Variants in SCUBE2 observed in about 807,000 individuals in gnomAD.
SCUBE2 encodes the protein signal peptide, CUB domain and EGF like domain containing 2.
In SCUBE2, 114 loss-of-function variants were observed where a neutral mutation model predicts 125.9. That is an observed-to-expected ratio of 0.91 (90% CI 0.78 to 1.06). The LOEUF (loss-of-function observed/expected upper bound fraction) is 1.06, where lower values mean the gene tolerates loss of function less well. Ranked by LOEUF, SCUBE2 falls within the 50% of genes least tolerant of loss-of-function variation. The probability of loss-of-function intolerance (pLI) is 0.00; values close to 1 mark genes in which losing one functional copy is unlikely to be tolerated. For synonymous variants in SCUBE2, 459 were observed against 492.9 expected (o/e 0.93, Z 0.91); for missense variants, 1,255 against 1,301.8 (o/e 0.96, Z 0.55).
intron 10 of SCUBE2, 108 bp downstream of exon 10, chr11:9,055,685 T>C (rs894080623): frequency 1.8e-5 from 14 of 797,370 alleles, no homozygotes; most frequent in Middle Eastern, 3.6e-4. Context: ...GGGACTGCAA[T>C]GTACCTTTCA....
chr11:9,066,888 T>C lies in SCUBE2; in HGVS notation c.644-75A>G, dbSNP rs2135717797. On this transcript the variant is annotated intron_variant, in intron 5 of 22. Coordinates refer to ENST00000649792, the MANE Select transcript of SCUBE2 (RefSeq NM_001367977.2). Reference sequence around the variant, plus strand: ...CAGGGCTGTGTTTGCTCCAGAGAAATTCTGATTTTCATTCTGCAAGTATTT... The same window carrying C: ...CAGGGCTGTGTTTGCTCCAGAGAAACTCTGATTTTCATTCTGCAAGTATTT... 2.4e-6 allele frequency: 3 copies of C among 1,248,398 alleles called. No homozygotes were observed. The East Asian group carries it at 7.0e-5, about 29-fold the overall frequency. The allele number at this position is 1,248,398 out of a possible 1,614,324, so 77.3% of individuals were successfully genotyped here. A position where few individuals can be genotyped will look rare whatever the true frequency, so the allele number is the denominator to read the frequency against.
chr11:9,042,678 C>T (rs773090112), intron 16 of SCUBE2, among the ~76,000 whole-genome samples: 4 of 152,164 alleles, frequency 2.6e-5, no homozygotes, highest in Non-Finnish European at 4.4e-5. Context: ...AACCCCCTGG[C>T]GTTTTCTCAG....
At chr11:9,045,630 C>T (rs1364117537) in intron 16 of SCUBE2, among the ~76,000 whole-genome samples, 1 of 151,208 alleles carries the variant, frequency 6.6e-6, no homozygotes, top group African/African-American at 2.4e-5. Context: ...CACACACACA[C>T]ACACACACAC....
chr11:9,066,170 G>A (rs1860209355), intron 6 of SCUBE2, among the ~76,000 whole-genome samples, 190 bp from the exon 7 acceptor site: 1 of 152,188 alleles, frequency 6.6e-6, no homozygotes, highest in Admixed American at 6.5e-5. Flanking sequence ...CAGATCCTTA[G>A]CAAACATTAA....
chr11:9,060,267 A>G, intron 8 of SCUBE2, 141 bp downstream of exon 8: 1 of 633,478 alleles, frequency 1.6e-6, no homozygotes, highest in Non-Finnish European at 2.8e-6. Flanking sequence ...AGGGGGAAAA[A>G]GCTCCCATTG....
intron 7 of SCUBE2, among the ~76,000 whole-genome samples, chr11:9,063,125 AGT>A: frequency 6.6e-6 from 1 of 152,212 alleles, no homozygotes; most frequent in Non-Finnish European, 1.5e-5. Context: ...ATGTGCCTGT[AGT>A]CTCAGCTACT....
chr11:9,084,770 G>A (rs903177219), intron 2 of SCUBE2, among the ~76,000 whole-genome samples: 3 of 152,082 alleles, frequency 2.0e-5, no homozygotes, highest in African/African-American at 7.2e-5. Flanking sequence ...TTGAGACAGC[G>A]TCTCATTTTG....
chr11:9,027,412 G>A lies in SCUBE2; in HGVS notation c.2653C>T (p.Leu885=), dbSNP rs1364026638. 1 of 1,614,064 alleles carries A rather than the reference G, an allele frequency of 6.2e-7. No homozygotes were observed. The highest frequency in any genetic ancestry group is 1.1e-5 in the South Asian group (1 of 91,072). ...RILIVVPEIF[L]PIEDDCGDYL... ...TCCCCACAGTCGTCCTCTATGGGCA[G>A]GAAGATCTCAGGGACCACGATCAGG... is the stretch of plus-strand genomic sequence containing the variant. Residue 885 remains leucine (L), a synonymous_variant, in exon 20 of 23, where the codon CTG becomes TTG. Coordinates refer to ENST00000649792, the MANE Select transcript of SCUBE2 (RefSeq NM_001367977.2).
chr11:9,065,845 A>G, intron 7 of SCUBE2, 46 bp downstream of exon 7: 1 of 1,530,054 alleles, frequency 6.5e-7, no homozygotes, highest in Non-Finnish European at 9.1e-7. Context: ...TTGGGGAGGG[A>G]AAAGGACAAT....
At chr11:9,065,347 T>C (rs534741158) in intron 7 of SCUBE2, among the ~76,000 whole-genome samples, 1 of 152,288 alleles carries the variant, frequency 6.6e-6, no homozygotes, top group Admixed American at 6.5e-5. Context: ...CTCATGGTTT[T>C]ACAAGTGTTT....
chr11:9,079,932 C>T (rs576914091), intron 2 of SCUBE2, among the ~76,000 whole-genome samples: 13 of 152,304 alleles, frequency 8.5e-5, no homozygotes, highest in African/African-American at 2.9e-4. Context: ...TTTCAGGATA[C>T]GTTTTTGTAG....
chr11:9,055,983 A>T (rs1463704233), intron 9 of SCUBE2, 74 bp from the exon 10 acceptor site: 1 of 1,170,862 alleles, frequency 8.5e-7, no homozygotes, highest in Non-Finnish European at 1.3e-6. Context: ...TATGATAAAT[A>T]CCAGTTGCTG....
At chr11:9,027,044 G>C in intron 20 of SCUBE2, 1 of 361,498 alleles carries the variant, frequency 2.8e-6, no homozygotes, top group South Asian at 2.9e-5. Flanking sequence ...TTGCAACTCA[G>C]TATGAGGCCT....
chr11:9,089,891 GC>G, intron 1 of SCUBE2, 62 bp from the exon 2 acceptor site: 2 of 1,578,466 alleles, frequency 1.3e-6, no homozygotes, highest in Non-Finnish European at 1.7e-6. Flanking sequence ...TCTGGCCTCG[GC>G]CCTGTCTGGC....
At chr11:9,086,555 C>T (rs1465135204) in intron 2 of SCUBE2, among the ~76,000 whole-genome samples, 1 of 152,158 alleles carries the variant, frequency 6.6e-6, no homozygotes, top group Non-Finnish European at 1.5e-5. Flanking sequence ...GAAATCCAAA[C>T]TAAGAGGGAC....
At chr11:9,087,597 T>C (rs544150370) in intron 2 of SCUBE2, among the ~76,000 whole-genome samples, 2 of 152,314 alleles carry the variant, frequency 1.3e-5, no homozygotes, top group East Asian at 3.9e-4. Context: ...GCTATGCACC[T>C]GACCAGGACC....
intron 22 of SCUBE2, among the ~76,000 whole-genome samples, chr11:9,021,502 T>C (rs1423328892): frequency 6.6e-6 from 1 of 152,234 alleles, no homozygotes; most frequent in Non-Finnish European, 1.5e-5. Flanking sequence ...CACAAGTGTT[T>C]ATTGCTAATT....
chr11:9,051,451 G>C (rs1166439749), intron 13 of SCUBE2, among the ~76,000 whole-genome samples: 2 of 152,184 alleles, frequency 1.3e-5, no homozygotes, highest in Non-Finnish European at 2.9e-5. Flanking sequence ...AGGGCTGAGG[G>C]AGCTGTTGTT....
At chr11:9,080,524 G>A (rs977276670) in intron 2 of SCUBE2, among the ~76,000 whole-genome samples, 9 of 151,724 alleles carry the variant, frequency 5.9e-5, no homozygotes, top group African/African-American at 7.3e-5. Context: ...GGTGGTGCAC[G>A]CCTATAGTCC....
Sources: gnomAD v4.1 joint callset for allele counts (sites outside exome capture counted in the v4.1 genomes callset) on GRCh38, gnomAD v4.1.1 for gene constraint, MANE v1.5 for transcripts, NCBI Gene and HGNC (gene_info 2026-07-23, HGNC 2026-07-21) for gene names.